The following TDRP variants were observed in gnomAD, a reference collection of about 807,000 sequenced individuals.
TDRP encodes testis development-related protein.
TDRP carries 12 observed loss-of-function variants against 10.5 expected under a neutral mutation model. The observed-to-expected ratio is 1.15, with a 90% CI of 0.73 to 1.86. TDRP has a LOEUF of 1.86. Among genes scored for constraint, TDRP ranks in the 40% most tolerant of loss-of-function variants. The probability of loss-of-function intolerance (pLI) is 0.00; values close to 1 mark genes in which losing one functional copy is unlikely to be tolerated. For synonymous variants in TDRP, 139 were observed against 95.4 expected, an observed-to-expected ratio of 1.46 and a Z score of -2.67; for missense variants, 353 against 229.2, an observed-to-expected ratio of 1.54 and a Z score of -3.49.
chr8:534,745 A>C (rs1802300462), intron 1 of TDRP, among the ~76,000 whole-genome samples: 2 of 152,236 alleles, frequency 1.3e-5, no homozygotes, highest in Non-Finnish European at 2.9e-5. Context: ...AGGCACTGTG[A>C]GTACTGATTT....
intron 1 of TDRP, among the ~76,000 whole-genome samples, chr8:530,688 C>T (rs962877067): frequency 6.6e-6 from 1 of 152,176 alleles, no homozygotes; most frequent in Non-Finnish European, 1.5e-5. Context: ...TCTGGCAGGG[C>T]AACAGGCTGT....
rs1800930964 is a variant in TDRP, at chr8:490,242, T to G, written c.*2157A>C. Reference sequence around the variant, plus strand: ...ATTTATATTAAAAACCACAGTTAATTTAATCAGGCACAGAAGAAAAAATCA... The same window carrying G: ...ATTTATATTAAAAACCACAGTTAATGTAATCAGGCACAGAAGAAAAAATCA... On this transcript the variant is annotated 3_prime_UTR_variant, in exon 3 of 3. Transcript: ENST00000324079. 2 of 152,178 alleles carry G rather than the reference T, an allele frequency of 1.3e-5. No individual in the cohort carries two copies. Among genetic ancestry groups the G allele is most frequent in the Non-Finnish European group, 1.5e-5 (1 of 68,020 alleles). The allele number at this position is 152,178 out of a possible 1,614,324, so 9.4% of individuals were successfully genotyped here.
intron 1 of TDRP, among the ~76,000 whole-genome samples, chr8:534,575 C>A (rs555762539): frequency 7.2e-5 from 11 of 152,240 alleles, no homozygotes; most frequent in African/African-American, 1.9e-4. Context: ...TAGCACTATA[C>A]TTGGGGGCTG....
chr8:532,252 C>T (rs530614103), intron 1 of TDRP, among the ~76,000 whole-genome samples: 1 of 152,326 alleles, frequency 6.6e-6, no homozygotes, highest in African/African-American at 2.4e-5. Context: ...GGCCAGCACT[C>T]AGTCATGAGC....
At chr8:498,961 T>G (rs1213050270) in intron 1 of TDRP, among the ~76,000 whole-genome samples, 1 of 152,142 alleles carries the variant, frequency 6.6e-6, no homozygotes, top group Non-Finnish European at 1.5e-5. Flanking sequence ...GTAAGTTTCC[T>G]GAGGCCTCCC....
chr8:516,268 C>A (rs1477213462), intron 1 of TDRP, among the ~76,000 whole-genome samples: 6 of 152,108 alleles, frequency 3.9e-5, no homozygotes, highest in African/African-American at 1.2e-4. Context: ...ACTATTGGGA[C>A]TATGGCGTGT....
At chr8:544,270 C>T (rs894892773) in intron 1 of TDRP, among the ~76,000 whole-genome samples, 2 of 151,998 alleles carry the variant, frequency 1.3e-5, no homozygotes, top group African/African-American at 4.8e-5. Flanking sequence ...CCTCTGCGTC[C>T]CGGGCCCACG....
intron 1 of TDRP, among the ~76,000 whole-genome samples, chr8:515,133 G>C (rs1801723618): frequency 6.6e-6 from 1 of 152,144 alleles, no homozygotes; most frequent in African/African-American, 2.4e-5. Flanking sequence ...GTTCACCAAA[G>C]AGAAGACGGC....
Position 525,156 on chromosome 8 carries a change from G to C in TDRP, c.108+19494C>G, listed in dbSNP as rs1043372321. On this transcript the variant is annotated intron_variant, in intron 1 of 2. Coordinates refer to ENST00000324079, the MANE Select transcript of TDRP (RefSeq NM_001384899.1). The stretch of plus-strand genomic sequence containing the variant: ...GAAACCTTACAGGTCAAGAGAGACA[G>C]CGGCATGACATAATTAAAGTGCTGA... 5.3e-5 allele frequency among the ~76,000 whole-genome samples: 8 copies of C among 152,288 alleles called. 1 individual carries two copies. The highest frequency in any genetic ancestry group is 1.4e-4 in the African/African-American group (6 of 41,562).
chr8:526,791 G>A (rs1584877092), intron 1 of TDRP, among the ~76,000 whole-genome samples: 1 of 152,084 alleles, frequency 6.6e-6, no homozygotes, highest in African/African-American at 2.4e-5. Context: ...TCTCAGATCT[G>A]GAACATGACA....
At position 492,281 on chromosome 8, in the gene TDRP, A is replaced by G. The variant is rs988078213; in HGVS notation, c.*118T>C. The G allele has an allele frequency of 3.5e-5, 47 of 1,343,104 alleles. No individual in the cohort carries two copies. In the African/African-American group the frequency reaches 5.6e-4, roughly 16 times the overall value. 83.2% of individuals were successfully genotyped at this position (1,343,104 alleles called of 1,614,324 possible). ...TAAATAAAGAAACAGAGGTCCAAAT[A>G]TCAAATATAGGCAAAAAGTAGACTC... On this transcript the variant is annotated 3_prime_UTR_variant, in exon 3 of 3. Coordinates refer to ENST00000324079, the MANE Select transcript of TDRP (RefSeq NM_001384899.1).
At chr8:494,452 C>A (rs766527588) in intron 2 of TDRP, 42 bp downstream of exon 2, 1 of 1,575,926 alleles carries the variant, frequency 6.3e-7, no homozygotes, top group Non-Finnish European at 8.7e-7. Flanking sequence ...TGACTTCCTC[C>A]CTCTCCTGAA....
chr8:491,248 C>G lies in TDRP; in HGVS notation c.*1151G>C, dbSNP rs1053831238. The G allele has an allele frequency of 5.8e-6, 1 of 171,890 alleles. No homozygotes were observed. The allele number at this position is 171,890 out of a possible 1,614,324, so 10.6% of individuals were successfully genotyped here. A position where few individuals can be genotyped will look rare whatever the true frequency, so the allele number is the denominator to read the frequency against. Reference sequence around the variant, plus strand: ...CTTGTTTTTACGTGAGGGGAATGCACAGTGTAACTGGAGGTTTTATTTTAC... The same window carrying G: ...CTTGTTTTTACGTGAGGGGAATGCAGAGTGTAACTGGAGGTTTTATTTTAC... On this transcript the variant is annotated 3_prime_UTR_variant, in exon 3 of 3. Coordinates refer to ENST00000324079, the MANE Select transcript of TDRP (RefSeq NM_001384899.1).
In TDRP at chr8:492,669, C is replaced by T. The variant is rs1251029743; in HGVS notation, c.288G>A (p.Gln96=). 1 of 1,614,026 alleles carries T rather than the reference C, an allele frequency of 6.2e-7. No individual in the cohort carries two copies. Among genetic ancestry groups the T allele is most frequent in the South Asian group, 1.1e-5 (1 of 91,076 alleles). Residue 96 remains glutamine (Q), a synonymous_variant, in exon 3 of 3, where the codon CAG becomes CAA. Transcript: ENST00000324079. ...SGFWDNLVLK[Q]NIQSKKPDEI... ...CATCTGGTTTTTTAGACTGTATATT[C>T]TGTTTTAAAACCAAATTGTCCCAAA...
At chr8:493,528 C>T (rs757987132) in intron 2 of TDRP, among the ~76,000 whole-genome samples, 4 of 152,264 alleles carry the variant, frequency 2.6e-5, no homozygotes, top group Non-Finnish European at 5.9e-5. Context: ...CAAAAGCCAA[C>T]TCTGTACTTG....
chr8:494,737 A>G (rs1801081241), intron 1 of TDRP, 140 bp from the exon 2 acceptor site: 1 of 690,100 alleles, frequency 1.4e-6, no homozygotes, highest in East Asian at 2.8e-5. Flanking sequence ...ACCTGTGCGC[A>G]CATAGTTTAC....
intron 1 of TDRP, 43 bp downstream of exon 1, chr8:544,607 C>A (rs1422191230): frequency 8.3e-7 from 1 of 1,198,674 alleles, no homozygotes; most frequent in Non-Finnish European, 1.0e-6. Flanking sequence ...TCCACCTGCG[C>A]GCCCCCGGCC....
chr8:541,646 C>A (rs765368980), intron 1 of TDRP, among the ~76,000 whole-genome samples: 1 of 152,162 alleles, frequency 6.6e-6, no homozygotes, highest in African/African-American at 2.4e-5. Flanking sequence ...GACAAGTATG[C>A]GTCTGAAAAG....
intron 1 of TDRP, among the ~76,000 whole-genome samples, chr8:543,928 G>T (rs1274052705): frequency 7.7e-6 from 1 of 129,094 alleles, no homozygotes; most frequent in African/African-American, 2.7e-5. Flanking sequence ...GAAAAAGGGA[G>T]GGGGGGGGAG....
Sources: gnomAD v4.1 joint callset for allele counts (sites outside exome capture counted in the v4.1 genomes callset) on GRCh38, gnomAD v4.1.1 for gene constraint, MANE v1.5 for transcripts, NCBI Gene and HGNC (gene_info 2026-07-23, HGNC 2026-07-21) for gene names.